The following GPR158 variants were observed in gnomAD, a reference collection of about 807,000 sequenced individuals.
The protein encoded by GPR158 is metabotropic glycine receptor.
In GPR158, 30 loss-of-function variants were observed where a neutral mutation model predicts 78.2. That is an observed-to-expected ratio of 0.38 (90% CI 0.29 to 0.52). GPR158 has a LOEUF of 0.52. Among genes scored for constraint, GPR158 ranks in the 20% least tolerant of loss-of-function variants. The pLI is 0.83. For missense variants in GPR158, 1,463 were observed against 1,523.5 expected (o/e 0.96, Z 0.66); for synonymous variants, 581 against 591.1 (o/e 0.98, Z 0.25).
At chr10:25,585,889 G>A (rs369816977) in intron 7 of GPR158, among the ~76,000 whole-genome samples, 51 of 152,262 alleles carry the variant, frequency 3.3e-4, no homozygotes, top group African/African-American at 1.2e-3. Context: ...TGAGGCACAG[G>A]AATCAGTTGA....
intron 4 of GPR158, among the ~76,000 whole-genome samples, chr10:25,424,226 G>A (rs578180672): frequency 6.6e-6 from 1 of 152,284 alleles, no homozygotes; most frequent in African/African-American, 2.4e-5. Flanking sequence ...TTTTGATGGG[G>A]TTGTTTGATT....
intron 4 of GPR158, among the ~76,000 whole-genome samples, chr10:25,454,967 A>G (rs1353687921): frequency 6.6e-6 from 1 of 152,194 alleles, no homozygotes; most frequent in East Asian, 1.9e-4. Flanking sequence ...GCAGTTGGTC[A>G]ACAAAATTTT....
intron 2 of GPR158, among the ~76,000 whole-genome samples, chr10:25,328,927 CAAAAAAAA>C (rs3054026): frequency 1.1e-5 from 1 of 89,106 alleles, no homozygotes. Flanking sequence ...AACTTCATCA[CAAAAAAAA>C]AAAAAAAAAA....
chr10:25,544,787 C>T (rs1163775272), intron 5 of GPR158, among the ~76,000 whole-genome samples: 2 of 152,086 alleles, frequency 1.3e-5, no homozygotes. Context: ...TATACACGTG[C>T]CATGGTGGTT....
At chr10:25,368,892 T>C (rs7918718) in intron 2 of GPR158, among the ~76,000 whole-genome samples, 92,290 of 141,850 alleles carry the variant, frequency 0.65, 31,100 homozygotes, top group Non-Finnish European at 0.75. Flanking sequence ...TCACATCCCT[T>C]GTAAGTTGGA....
At chr10:25,596,213 C>T (rs1837402714) in intron 9 of GPR158, among the ~76,000 whole-genome samples, 1 of 152,062 alleles carries the variant, frequency 6.6e-6, no homozygotes, top group African/African-American at 2.4e-5. Flanking sequence ...TAAATGACCT[C>T]CAGGTGGTGT....
rs544313806 is a variant in GPR158 at position 25,307,053 on chromosome 10, G to C, written c.1008+85896G>C. ...GAGAGAGAGAGAGGGAAAGAGAGAG[G>C]AAAGAAAGAGAATAAGTAAGAACAA... On this transcript the variant is annotated intron_variant, in intron 2 of 10. Transcript: ENST00000376351. Among the ~76,000 whole-genome samples the C allele has an allele frequency of 1.1e-4, 16 of 150,306 alleles. No homozygotes were observed. In the South Asian group the frequency reaches 3.5e-3, roughly 33 times the overall value.
At chr10:25,440,684 T>C (rs61846610) in intron 4 of GPR158, among the ~76,000 whole-genome samples, 3,847 of 152,322 alleles carry the variant, frequency 0.025, 68 homozygotes, top group Non-Finnish European at 0.039. Context: ...AGGTACTAGA[T>C]AAGTGCAGGA....
intron 5 of GPR158, among the ~76,000 whole-genome samples, chr10:25,543,664 A>G (rs1836620390): frequency 6.6e-6 from 1 of 152,114 alleles, no homozygotes; most frequent in African/African-American, 2.4e-5. Flanking sequence ...CTATCATTCC[A>G]TACTCTATGT....
Position 25,202,695 on chromosome 10 carries a change from A to G in GPR158, c.903-18357A>G, listed in dbSNP as rs140776687. Among the ~76,000 whole-genome samples the G allele has an allele frequency of 7.0e-3, 1,059 of 152,338 alleles. 10 individuals carry two copies. Among genetic ancestry groups the G allele is most frequent in the African/African-American group, 0.024 (1,010 of 41,558 alleles). On this transcript the variant is annotated intron_variant, in intron 1 of 10. Coordinates refer to ENST00000376351, the MANE Select transcript of GPR158 (RefSeq NM_020752.3). Reference sequence around the variant, plus strand: ...TTGGTTCCAAGTCTTTGCTATTGTGAATAGTGCTGCAATAAACATACGTGT... The same window carrying G: ...TTGGTTCCAAGTCTTTGCTATTGTGGATAGTGCTGCAATAAACATACGTGT...
At chr10:25,316,356 T>C (rs1854848199) in intron 2 of GPR158, among the ~76,000 whole-genome samples, 1 of 152,202 alleles carries the variant, frequency 6.6e-6, no homozygotes, top group Non-Finnish European at 1.5e-5. Flanking sequence ...TAAATACATA[T>C]AACAGTTCTA....
chr10:25,177,818 C>T lies in GPR158; in HGVS notation c.902+1496C>T, dbSNP rs1442890943. Reference sequence around the variant, plus strand: ...TTAAGTGCATGTGTGTGTGTCTTTGCCTGTGTTTCTATCTCTTTTAAAGGT... The same window carrying T: ...TTAAGTGCATGTGTGTGTGTCTTTGTCTGTGTTTCTATCTCTTTTAAAGGT... On this transcript the variant is annotated intron_variant, in intron 1 of 10. Transcript: ENST00000376351. Among the ~76,000 whole-genome samples the T allele has an allele frequency of 3.3e-5, 5 of 152,268 alleles. No individual in the cohort carries two copies. In the East Asian group the frequency reaches 9.7e-4, roughly 29 times the overall value.
At chr10:25,185,755 A>G (rs1373481297) in intron 1 of GPR158, among the ~76,000 whole-genome samples, 1 of 152,048 alleles carries the variant, frequency 6.6e-6, no homozygotes, top group African/African-American at 2.4e-5. Flanking sequence ...CCCGGGAGGC[A>G]GAGCTTGCAG....
chr10:25,595,703 A>G (rs1837396009), intron 9 of GPR158, among the ~76,000 whole-genome samples: 1 of 152,220 alleles, frequency 6.6e-6, no homozygotes, highest in Non-Finnish European at 1.5e-5. Flanking sequence ...CATAAAGTAG[A>G]TTAGTGTTTG....
intron 5 of GPR158, among the ~76,000 whole-genome samples, chr10:25,509,595 A>G (rs1476021442): frequency 6.6e-6 from 1 of 152,154 alleles, no homozygotes; most frequent in East Asian, 1.9e-4. Flanking sequence ...AAACATATAC[A>G]CCTATGTGTA....
At chr10:25,519,307 T>C (rs1480993175) in intron 5 of GPR158, among the ~76,000 whole-genome samples, 1 of 143,494 alleles carries the variant, frequency 7.0e-6, no homozygotes, top group Non-Finnish European at 1.5e-5. Flanking sequence ...AGCACACTGG[T>C]GGGTCTTGAC....
intron 5 of GPR158, among the ~76,000 whole-genome samples, chr10:25,509,077 G>C (rs1836050124): frequency 2.0e-5 from 3 of 152,160 alleles, no homozygotes; most frequent in East Asian, 1.9e-4. Flanking sequence ...GTTGGTGGAG[G>C]GGGTAGGCTG....
intron 2 of GPR158, among the ~76,000 whole-genome samples, chr10:25,313,693 C>T (rs7908817): frequency 0.2 from 30,689 of 151,922 alleles, 5,201 homozygotes; most frequent in African/African-American, 0.47. Context: ...CTTATTTGGT[C>T]ATGATGTATA....
chr10:25,538,888 G>A (rs891406131), intron 5 of GPR158, among the ~76,000 whole-genome samples: 7 of 152,220 alleles, frequency 4.6e-5, no homozygotes, highest in Admixed American at 3.9e-4. Context: ...ACACATACAC[G>A]GAGAAGTTGT....
Sources: gnomAD v4.1 joint callset for allele counts (sites outside exome capture counted in the v4.1 genomes callset) on GRCh38, gnomAD v4.1.1 for gene constraint, MANE v1.5 for transcripts, NCBI Gene and HGNC (gene_info 2026-07-23, HGNC 2026-07-21) for gene names.